The following AGAP3 variants were observed in gnomAD, a reference collection of about 807,000 sequenced individuals.
AGAP3 encodes the protein ArfGAP with GTPase domain, ankyrin repeat and PH domain 3, also known as arf-GAP with GTPase, ANK repeat and PH domain-containing protein 3.
A neutral mutation model predicts 96.9 loss-of-function variants in AGAP3; 24 were observed. That is an observed-to-expected ratio of 0.25 (90% confidence interval 0.18 to 0.35). The LOEUF is 0.35. Ranked by LOEUF, AGAP3 falls within the 10% of genes least tolerant of loss-of-function variation. The probability of loss-of-function intolerance (pLI) is 1.00; values close to 1 mark genes in which losing one functional copy is unlikely to be tolerated. For synonymous variants in AGAP3, 563 were observed against 536.1 expected (o/e 1.05, Z -0.69); for missense variants, 876 against 1,254.2 (o/e 0.70, Z 4.55).
rs1799223981 is a variant in AGAP3, at chr7:151,110,195, CCAAAA to C, written c.332-6597_332-6593del. On this transcript the variant is annotated intron_variant, in intron 1 of 17. Coordinates refer to ENST00000397238, the MANE Select transcript of AGAP3 (RefSeq NM_031946.7). ...TTAGGCCTTCCTCCCCACAAAGAGG[CCAAAA>C]GCCCTGGGAGCACAGTGCATGCTCA... Among the ~76,000 whole-genome samples, 4 of 152,358 alleles carry C rather than the reference CCAAAA, an allele frequency of 2.6e-5. No homozygotes were observed. In the East Asian group the frequency reaches 7.7e-4, roughly 29 times the overall value.
Position 151,143,294 on chromosome 7 carries a change from C to T in AGAP3, c.2274-47C>T, listed in dbSNP as rs1177416720. On this transcript the variant is annotated intron_variant, in intron 16 of 17. Coordinates refer to ENST00000397238, the MANE Select transcript of AGAP3 (RefSeq NM_031946.7). The surrounding 1 kb of genome is among the most constrained non-coding windows in gnomAD (Gnocchi z 5.9). ...CCCACCTTCCTGGCCCCACCCGTTG[C>T]TCGGTGACCTTCCTTGGCTCATGCC... is the stretch of plus-strand genomic sequence containing the variant. 1.3e-6 allele frequency: 2 copies of T among 1,558,932 alleles called. No individual in the cohort carries two copies. The highest frequency in any genetic ancestry group is 1.9e-5 in the Admixed American group (1 of 53,738).
intron 1 of AGAP3, among the ~76,000 whole-genome samples, chr7:151,111,852 G>A (rs769111573): frequency 7.2e-5 from 11 of 152,190 alleles, no homozygotes; most frequent in East Asian, 1.9e-4. Context: ...TCAGTCCAGC[G>A]TTTCCGGTGG....
At chr7:151,099,385 A>G (rs898421017) in intron 1 of AGAP3, among the ~76,000 whole-genome samples, 3 of 150,610 alleles carry the variant, frequency 2.0e-5, no homozygotes, top group Non-Finnish European at 4.4e-5. Flanking sequence ...CTTCTCAGTC[A>G]CATAACAAAT....
At chr7:151,126,861 C>G (rs1225707789) in intron 9 of AGAP3, among the ~76,000 whole-genome samples, 1 of 152,232 alleles carries the variant, frequency 6.6e-6, no homozygotes, top group Non-Finnish European at 1.5e-5. Flanking sequence ...GATAGGGTCT[C>G]CCAGGCCAAG....
At chr7:151,122,697 A>C in intron 8 of AGAP3, 1 of 1,613,414 alleles carries the variant, frequency 6.2e-7, no homozygotes, top group Non-Finnish European at 8.5e-7. Flanking sequence ...ATAACTTGCC[A>C]AAATCTTTAT....
At chr7:151,138,898 G>A (rs138558665) in intron 12 of AGAP3, among the ~76,000 whole-genome samples, 135 of 152,234 alleles carry the variant, frequency 8.9e-4, no homozygotes, top group African/African-American at 3.1e-3. Flanking sequence ...CCCATCCTAG[G>A]TGGGTTGGTG....
rs200388029 is a variant in AGAP3 at position 151,138,219 on chromosome 7, C to T, written c.1572C>T (p.Arg524=). Residue 524 remains arginine, a synonymous_variant, in exon 12 of 18, where the codon CGC becomes CGT. Coordinates refer to ENST00000397238, the MANE Select transcript of AGAP3 (RefSeq NM_031946.7). ...GCAGCTCGGCCTGGGCTGGCCCGCG[C>T]CCTGAGGGGCTGCACCAGCGCTCCT... ...PLSSSAWAGP[R]PEGLHQRSCS... 1,338 of 1,612,190 alleles carry T rather than the reference C, an allele frequency of 8.3e-4. 1 individual carries two copies. The highest frequency in any genetic ancestry group is 6.0e-3 in the Middle Eastern group (36 of 6,050).
At chr7:151,115,619 G>A in intron 1 of AGAP3, 8 of 1,167,656 alleles carry the variant, frequency 6.9e-6, no homozygotes, top group Non-Finnish European at 7.4e-6. Context: ...CTGCGGCCCC[G>A]GAGCTCCTGC....
At chr7:151,102,266 T>C (rs2150424953) in intron 1 of AGAP3, among the ~76,000 whole-genome samples, 1 of 152,340 alleles carries the variant, frequency 6.6e-6, no homozygotes, top group Middle Eastern at 3.4e-3. Flanking sequence ...GCCCAGTAGG[T>C]ACTGCTAGAC....
chr7:151,087,042 C>A lies in AGAP3; in HGVS notation c.301C>A (p.Gln101Lys). 6.2e-7 allele frequency: 1 copy of A among 1,610,930 alleles called. No homozygotes were observed. The highest frequency in any genetic ancestry group is 8.5e-7 in the Non-Finnish European group (1 of 1,178,668). The stretch of plus-strand genomic sequence containing the variant: ...CATCGAGGATTTGGCGCTGCAGAAC[C>A]AGATCCGGGAGCACGTCATCTCCAT... ...ERIEDLALQNQIREHVISIED... is the reference protein window; with the variant it reads ...ERIEDLALQNKIREHVISIED... The change falls in exon 1 of 18, where the codon CAG becomes AAG. Residue 101 changes from glutamine to lysine, a missense_variant. By Grantham distance (53) the Gln-to-Lys change is moderately conservative. Transcript: ENST00000397238.
rs988748491 is a variant in AGAP3, at chr7:151,117,441, C to G, written c.549C>G (p.Gly183=). ...SYLLLIRDEG[G]PPELQFAAWV... is the part of the protein sequence containing the mutation. ...TGCTGCTGATCCGAGATGAAGGAGG[C>G]CCCCCTGAGCTCCAGGTGATGCTCC... Residue 183 remains glycine (G), a synonymous_variant, in exon 4 of 18, where the codon GGC becomes GGG. Coordinates refer to ENST00000397238, the MANE Select transcript of AGAP3 (RefSeq NM_031946.7). 1 of 1,614,164 alleles carries G rather than the reference C, an allele frequency of 6.2e-7. No individual in the cohort carries two copies. The highest frequency in any genetic ancestry group is 1.7e-5 in the Admixed American group (1 of 60,032).
intron 1 of AGAP3, among the ~76,000 whole-genome samples, chr7:151,089,010 C>A (rs575177665): frequency 6.6e-6 from 1 of 152,110 alleles, no homozygotes; most frequent in Non-Finnish European, 1.5e-5. Context: ...CTCACACATC[C>A]GTTCTCAGCC....
intron 1 of AGAP3, among the ~76,000 whole-genome samples, chr7:151,092,294 C>T (rs1798428413): frequency 6.6e-6 from 1 of 152,160 alleles, no homozygotes; most frequent in Non-Finnish European, 1.5e-5. Context: ...AGAGCCAAGG[C>T]TGGGGGGAGA....
intron 1 of AGAP3, among the ~76,000 whole-genome samples, chr7:151,088,220 C>T (rs1439535557): frequency 1.3e-5 from 2 of 152,208 alleles, no homozygotes; most frequent in East Asian, 3.9e-4. Flanking sequence ...GTCCCCATAG[C>T]CGGGGAAGAA....
chr7:151,115,315 G>C, intron 1 of AGAP3: 1 of 1,009,110 alleles, frequency 9.9e-7, no homozygotes, highest in Non-Finnish European at 1.2e-6. Flanking sequence ...CCCCGGCGCG[G>C]CCTGGCGGCG....
chr7:151,099,564 G>A (rs1798754613), intron 1 of AGAP3, among the ~76,000 whole-genome samples: 1 of 152,194 alleles, frequency 6.6e-6, no homozygotes, highest in South Asian at 2.1e-4. Flanking sequence ...ATGTTAAGGG[G>A]CACTCGTGTT....
At position 151,108,498 on chromosome 7, in the gene AGAP3, C is replaced by T. The variant is rs1799149090; in HGVS notation, c.332-8295C>T. ...CAGCTTTTCCCTGGGGAGGAGAGGA[C>T]CAAAGTCACTGGGGAGCTCTCAGAC... On this transcript the variant is annotated intron_variant, in intron 1 of 17. Transcript: ENST00000397238. This position sits in a 1 kb window ranked among gnomAD's most constrained non-coding sequence, Gnocchi z 4.2. Among the ~76,000 whole-genome samples, 1 of 152,132 alleles carries T rather than the reference C, an allele frequency of 6.6e-6. No homozygotes were observed. The highest frequency in any genetic ancestry group is 1.5e-5 in the Non-Finnish European group (1 of 68,022).
In AGAP3 at chr7:151,108,424, C is replaced by G. The variant is rs1028240751; in HGVS notation, c.332-8369C>G. ...TTGCACTGCTCTCGGTCCTGTGGCT[C>G]TCTCTGCCACCCGCACCCCCACCAG... is the stretch of plus-strand genomic sequence containing the variant. On this transcript the variant is annotated intron_variant, in intron 1 of 17. Coordinates refer to ENST00000397238, the MANE Select transcript of AGAP3 (RefSeq NM_031946.7). The surrounding 1 kb of genome is among the most constrained non-coding windows in gnomAD (Gnocchi z 4.2). Among the ~76,000 whole-genome samples, 8 of 152,276 alleles carry G rather than the reference C, an allele frequency of 5.3e-5. No individual in the cohort carries two copies. The highest frequency in any genetic ancestry group is 3.9e-4 in the Admixed American group (6 of 15,308).
chr7:151,123,208 C>T (rs954898841), intron 8 of AGAP3: 5 of 1,081,454 alleles, frequency 4.6e-6, no homozygotes, highest in East Asian at 8.5e-5. Flanking sequence ...CCGCCGCCGC[C>T]GCGCTTGCCT....
Sources: allele counts gnomAD v4.1 joint callset (sites outside exome capture counted in the v4.1 genomes callset), GRCh38; gene constraint gnomAD v4.1.1; non-coding constraint Gnocchi (gnomAD v3.1); transcripts MANE v1.5; gene names NCBI Gene and HGNC (gene_info 2026-07-23, HGNC 2026-07-21).